The following INPP4A variants were observed in gnomAD, a reference collection of about 807,000 sequenced individuals.
INPP4A encodes inositol polyphosphate-4-phosphatase type I A, also known as inositol polyphosphate-4-phosphatase, type I, 107kD.
In INPP4A, 33 loss-of-function variants were observed where a neutral mutation model predicts 119.8. The observed-to-expected ratio is 0.28, with a 90% confidence interval of 0.21 to 0.37. INPP4A has a LOEUF of 0.37. Ranked by LOEUF, INPP4A falls within the 10% of genes least tolerant of loss-of-function variation. The pLI, the probability that INPP4A is intolerant of heterozygous loss-of-function variation, is 1.00. For missense variants in INPP4A, 956 were observed against 1,289.9 expected (o/e 0.74, Z 3.97); for synonymous variants, 496 against 500.7 (o/e 0.99, Z 0.12).
chr2:98,487,562 A>G (rs780987279), intron 1 of INPP4A, among the ~76,000 whole-genome samples: 2 of 152,236 alleles, frequency 1.3e-5, no homozygotes, highest in Non-Finnish European at 2.9e-5. Context: ...TTATATCAAT[A>G]TGGACTCAAT....
At chr2:98,531,932 A>G (rs1478884794) in intron 4 of INPP4A, among the ~76,000 whole-genome samples, 1 of 152,250 alleles carries the variant, frequency 6.6e-6, no homozygotes, top group Non-Finnish European at 1.5e-5. Context: ...TTATAGCTGC[A>G]TGAATAGCAA....
intron 1 of INPP4A, among the ~76,000 whole-genome samples, chr2:98,501,360 C>T (rs1286913207): frequency 1.3e-5 from 2 of 152,158 alleles, no homozygotes; most frequent in East Asian, 1.9e-4. Context: ...TAAAGAAAAA[C>T]CTGTGGACCA....
chr2:98,495,816 G>C (rs570164690), intron 1 of INPP4A, among the ~76,000 whole-genome samples: 1 of 151,682 alleles, frequency 6.6e-6, no homozygotes, highest in South Asian at 2.1e-4. Context: ...ACCTAAAATC[G>C]TGCCAGACTC....
At chr2:98,475,546 A>G (rs1677034533) in intron 1 of INPP4A, among the ~76,000 whole-genome samples, 1 of 152,226 alleles carries the variant, frequency 6.6e-6, no homozygotes, top group Admixed American at 6.5e-5. Flanking sequence ...TATAGTGCAA[A>G]ATACATTTAA....
At position 98,572,846 on chromosome 2, in the gene INPP4A, G is replaced by A. The variant is rs1359366247; in HGVS notation, c.2550G>A (p.Leu850=). 2 of 1,571,410 alleles carry A rather than the reference G, an allele frequency of 1.3e-6. No individual in the cohort carries two copies. Among genetic ancestry groups the A allele is most frequent in the Non-Finnish European group, 1.7e-6 (2 of 1,158,668 alleles). ...CTCGGTCTCGCAGTCAGACGTGCCT[G>A]CCAGAGCTGCTGCGGTTTCTGGGTC... ...CLPRSRSQTC[L]PELLRFLGQN... is the part of the protein sequence containing the mutation. The change falls in exon 23 of 25, where the codon CTG becomes CTA. Residue 850 remains leucine, a synonymous_variant. Transcript: ENST00000409851.
chr2:98,464,613 C>T (rs1674365782), intron 1 of INPP4A, among the ~76,000 whole-genome samples: 1 of 152,206 alleles, frequency 6.6e-6, no homozygotes, highest in South Asian at 2.1e-4. Flanking sequence ...AACTCGGCAC[C>T]AGCTTCTCTG....
chr2:98,567,040 T>C (rs1696588894), intron 21 of INPP4A, among the ~76,000 whole-genome samples: 1 of 152,148 alleles, frequency 6.6e-6, no homozygotes, highest in Non-Finnish European at 1.5e-5. Flanking sequence ...ACTTAGGAAA[T>C]ATGGTATCAT....
intron 1 of INPP4A, among the ~76,000 whole-genome samples, chr2:98,503,247 G>A (rs376363931): frequency 1.7e-4 from 26 of 152,328 alleles, no homozygotes; most frequent in African/African-American, 6.0e-4. Flanking sequence ...GTCCAAGAGA[G>A]TACCAGGACT....
intron 1 of INPP4A, among the ~76,000 whole-genome samples, chr2:98,471,796 C>A (rs1676078336): frequency 6.6e-6 from 1 of 152,212 alleles, no homozygotes; most frequent in Non-Finnish European, 1.5e-5. Flanking sequence ...CCTGTTGGGG[C>A]TGAAGTCACA....
intron 1 of INPP4A, among the ~76,000 whole-genome samples, chr2:98,465,712 A>G (rs1201859904): frequency 1.3e-5 from 2 of 151,974 alleles, no homozygotes; most frequent in African/African-American, 4.8e-5. Flanking sequence ...GTTGCTGGGC[A>G]CTCACTTGGT....
At chr2:98,541,389 A>T (rs1282162491) in intron 10 of INPP4A, among the ~76,000 whole-genome samples, 2 of 152,016 alleles carry the variant, frequency 1.3e-5, no homozygotes, top group Non-Finnish European at 2.9e-5. Context: ...ACCTAAAATC[A>T]CCAATTGTTA....
intron 10 of INPP4A, 28 bp downstream of exon 10, chr2:98,539,703 C>G: frequency 6.3e-7 from 1 of 1,587,740 alleles, no homozygotes; most frequent in Non-Finnish European, 8.6e-7. Context: ...GACTGACTGT[C>G]CATCATACCC....
intron 1 of INPP4A, among the ~76,000 whole-genome samples, chr2:98,447,075 T>A (rs1204139323): frequency 6.6e-6 from 1 of 152,166 alleles, no homozygotes; most frequent in African/African-American, 2.4e-5. Flanking sequence ...ACTGCCCCAC[T>A]GATCCCCAGC....
intron 14 of INPP4A, among the ~76,000 whole-genome samples, chr2:98,553,953 A>G (rs946909047): frequency 1.3e-5 from 2 of 152,234 alleles, no homozygotes; most frequent in Admixed American, 6.5e-5. Flanking sequence ...AGGCTGGGGC[A>G]GTGGGCTCTC....
At chr2:98,572,364 C>A (rs899615016) in intron 22 of INPP4A, among the ~76,000 whole-genome samples, 1 of 152,220 alleles carries the variant, frequency 6.6e-6, no homozygotes, top group Non-Finnish European at 1.5e-5. Context: ...GGCCAAGGGC[C>A]CCCTGGAGGA....
chr2:98,446,519 G>A (rs1052284433), intron 1 of INPP4A, among the ~76,000 whole-genome samples: 6 of 152,100 alleles, frequency 3.9e-5, no homozygotes, highest in African/African-American at 1.4e-4. Flanking sequence ...CTCATTCCCT[G>A]TGATGTCTAG....
intron 1 of INPP4A, among the ~76,000 whole-genome samples, chr2:98,515,057 G>A (rs1685849524): frequency 6.6e-6 from 1 of 152,226 alleles, no homozygotes; most frequent in Admixed American, 6.5e-5. Flanking sequence ...CTTCCCACAT[G>A]CCTTGCTCTG....
intron 24 of INPP4A, among the ~76,000 whole-genome samples, chr2:98,586,604 CG>C (rs1264231172): frequency 6.6e-6 from 1 of 152,204 alleles, no homozygotes; most frequent in African/African-American, 2.4e-5. Flanking sequence ...TCCCCGGACG[CG>C]CTCACTGAGT....
intron 1 of INPP4A, among the ~76,000 whole-genome samples, chr2:98,470,266 G>A (rs1264232458): frequency 1.3e-5 from 2 of 152,236 alleles, no homozygotes; most frequent in African/African-American, 4.8e-5. Context: ...GGATTTTAAA[G>A]AGCTCTGGAC....
Sources: gnomAD v4.1 joint callset for allele counts (sites outside exome capture counted in the v4.1 genomes callset) on GRCh38, gnomAD v4.1.1 for gene constraint, MANE v1.5 for transcripts, NCBI Gene and HGNC (gene_info 2026-07-23, HGNC 2026-07-21) for gene names.